Variants in IL16 observed in about 807,000 individuals in gnomAD.
IL16 encodes pro-interleukin-16.
IL16 carries 67 observed loss-of-function variants against 110.1 expected under a neutral mutation model. That is an observed-to-expected ratio of 0.61 (90% CI 0.50 to 0.75). The LOEUF (loss-of-function observed/expected upper bound fraction) is 0.75. Ranked by LOEUF, IL16 falls within the 30% of genes least tolerant of loss-of-function variation. The pLI is 0.00. For synonymous variants in IL16, 689 were observed against 662.9 expected (o/e 1.04, Z -0.61); for missense variants, 1,545 against 1,655.0 (o/e 0.93, Z 1.15).
chr15:81,199,448 A>C (rs1895729936), intron 1 of IL16, among the ~76,000 whole-genome samples: 1 of 152,194 alleles, frequency 6.6e-6, no homozygotes, highest in Non-Finnish European at 1.5e-5. Context: ...TGTTCTTGCC[A>C]CATCTGGAGA....
chr15:81,230,640 T>G (rs1896939049), intron 2 of IL16, among the ~76,000 whole-genome samples: 1 of 152,044 alleles, frequency 6.6e-6, no homozygotes, highest in African/African-American at 2.4e-5. Context: ...AGAGAATGAG[T>G]AGTGGGGGAA....
intron 2 of IL16, among the ~76,000 whole-genome samples, chr15:81,246,227 AT>A (rs1314313940): frequency 6.6e-6 from 1 of 151,118 alleles, no homozygotes; most frequent in Non-Finnish European, 1.5e-5. Context: ...AGTTTTATGA[AT>A]TTTAACATAT....
At chr15:81,265,304 G>T (rs1041047387) in intron 3 of IL16, among the ~76,000 whole-genome samples, 4 of 152,074 alleles carry the variant, frequency 2.6e-5, no homozygotes, top group Admixed American at 1.3e-4. Flanking sequence ...TCTCTCCTTG[G>T]TTGGGATTGA....
intron 1 of IL16, among the ~76,000 whole-genome samples, chr15:81,210,502 AT>A (rs1595950445): frequency 6.6e-6 from 1 of 152,022 alleles, no homozygotes; most frequent in East Asian, 1.9e-4. Flanking sequence ...AGCATGGAAT[AT>A]TTTTCCACTT....
At position 81,233,459 on chromosome 15, in the gene IL16, CTGTGTGTGTGTGTGTG is replaced by C. The variant is rs5814049; in HGVS notation, c.312+7770_312+7785del. On this transcript the variant is annotated intron_variant, in intron 2 of 18. Transcript: ENST00000683961. ...ATATTGATACATATGTCTTCTCTTT[CTGTGTGTGTGTGTGTG>C]TGTGTGTGTGTGTGTGTGTGTCTTG... 3.7e-4 allele frequency among the ~76,000 whole-genome samples: 53 copies of C among 143,462 alleles called. 1 individual carries two copies. The highest frequency in any genetic ancestry group is 1.2e-3 in the African/African-American group (49 of 39,892). The allele number at this position is 143,462 out of a possible 152,430, so 94.1% of individuals were successfully genotyped here. A position where few individuals can be genotyped will look rare whatever the true frequency, so the allele number is the denominator to read the frequency against.
At chr15:81,264,520 ACCC>A (rs59536182) in intron 3 of IL16, among the ~76,000 whole-genome samples, 1 of 152,284 alleles carries the variant, frequency 6.6e-6, no homozygotes, top group East Asian at 1.9e-4. Flanking sequence ...ATAAAAGCAA[ACCC>A]AACCCTGCTC....
In IL16 at chr15:81,297,005, C is replaced by T. The variant is rs1335603651; in HGVS notation, c.1980C>T (p.Cys660=). 8 of 1,613,798 alleles carry T rather than the reference C, an allele frequency of 5.0e-6. 1 individual carries two copies. The Admixed American group carries it at 1.3e-4, about 27-fold the overall frequency. ...GAAGCCCTAGTGCCTCTGCCGGCTG[C>T]CCAGGACCTGGTATCGGCCCACAGA... ...AGRSPSASAG[C]PGPGIGPQTK... Residue 660 remains cysteine (C), a synonymous_variant, in exon 13 of 19, where the codon TGC becomes TGT. Coordinates refer to ENST00000683961, the MANE Select transcript of IL16 (RefSeq NM_172217.5).
chr15:81,278,437 T>TTAACTGCACAGACCA lies in IL16; in HGVS notation c.791-378_791-364dup, dbSNP rs1433916786. ...TTGAGAAAATGGCATGGACAAGCAT[T>TTAACTGCACAGACCA]TAACTGCACAGACCATTGTGGAAAA... is the stretch of plus-strand genomic sequence containing the variant. On this transcript the variant is annotated intron_variant, in intron 6 of 18. Coordinates refer to ENST00000683961, the MANE Select transcript of IL16 (RefSeq NM_172217.5). Among the ~76,000 whole-genome samples, 26 of 152,298 alleles carry TTAACTGCACAGACCA rather than the reference T, an allele frequency of 1.7e-4. No individual in the cohort carries two copies. In the East Asian group the frequency reaches 3.9e-3, roughly 23 times the overall value.
intron 8 of IL16, among the ~76,000 whole-genome samples, chr15:81,280,043 G>A (rs952406363): frequency 2.0e-5 from 3 of 152,242 alleles, no homozygotes; most frequent in African/African-American, 7.2e-5. Context: ...CCCAGAGAGA[G>A]AGAGAGAGAA....
chr15:81,267,054 A>G (rs1898413088), intron 4 of IL16, among the ~76,000 whole-genome samples: 1 of 152,164 alleles, frequency 6.6e-6, no homozygotes, highest in Non-Finnish European at 1.5e-5. Context: ...GGTTTTCTGC[A>G]CATCTGGGGT....
chr15:81,207,060 C>T (rs1238187946), intron 1 of IL16, among the ~76,000 whole-genome samples: 1 of 145,236 alleles, frequency 6.9e-6, no homozygotes, highest in Non-Finnish European at 1.5e-5. Flanking sequence ...GGTGAAACCC[C>T]GTCTCTACTA....
chr15:81,236,125 A>G (rs1168041495), intron 2 of IL16, among the ~76,000 whole-genome samples: 2 of 152,246 alleles, frequency 1.3e-5, no homozygotes, highest in African/African-American at 4.8e-5. Context: ...AGCATGACTC[A>G]GGATTTGATG....
At chr15:81,189,238 C>T (rs768008850) in intron 1 of IL16, among the ~76,000 whole-genome samples, 2 of 151,816 alleles carry the variant, frequency 1.3e-5, no homozygotes, top group Non-Finnish European at 2.9e-5. Context: ...ATTCTTTTGC[C>T]TCAGCCTCCC....
Position 81,282,607 on chromosome 15 carries a change from G to A in IL16, c.1082-32G>A, listed in dbSNP as rs143702320. ...AGGCCCCCTGGGAAAGCTCAGTCCC[G>A]GTCTCCCCACCCCGCCCTGTTCTGC... On this transcript the variant is annotated intron_variant, in intron 8 of 18. Coordinates refer to ENST00000683961, the MANE Select transcript of IL16 (RefSeq NM_172217.5). 859 of 1,548,082 alleles carry A rather than the reference G, an allele frequency of 5.5e-4. 4 individuals carry two copies. In the African/African-American group the frequency reaches 9.5e-3, roughly 17 times the overall value.
chr15:81,197,239 G>T (rs1302102619), intron 1 of IL16, 87 bp downstream of exon 1: 3 of 887,490 alleles, frequency 3.4e-6, no homozygotes, highest in East Asian at 6.6e-5. Context: ...GAATGGGGAG[G>T]GTCTTGGTTG....
intron 6 of IL16, among the ~76,000 whole-genome samples, chr15:81,275,378 A>C (rs952006310): frequency 3.2e-4 from 1 of 3,080 alleles, no homozygotes; most frequent in Non-Finnish European, 6.1e-4. Context: ...AGGGGAGGGG[A>C]GGGGAGGGGA....
At chr15:81,284,028 G>C (rs988821861) in intron 9 of IL16, among the ~76,000 whole-genome samples, 1 of 148,904 alleles carries the variant, frequency 6.7e-6, no homozygotes, top group African/African-American at 2.5e-5. Flanking sequence ...AAAAAAGAGA[G>C]AGAGAAGATA....
At chr15:81,228,228 T>TGGCATGGGGAAGGAGTG (rs1896852821) in intron 2 of IL16, among the ~76,000 whole-genome samples, 3 of 151,780 alleles carry the variant, frequency 2.0e-5, no homozygotes, top group Non-Finnish European at 4.4e-5. Flanking sequence ...AATGGCTAGA[T>TGGCATGGGGAAGGAGTG]GGCATGGGGA....
intron 14 of IL16, 25 bp from the exon 15 acceptor site, chr15:81,301,319 T>A (rs780187717): frequency 1.9e-6 from 3 of 1,581,044 alleles, no homozygotes; most frequent in Non-Finnish European, 2.6e-6. Flanking sequence ...TTGTTCATAC[T>A]GTGTGTTGTT....
Sources: gnomAD v4.1 joint callset for allele counts (sites outside exome capture counted in the v4.1 genomes callset) on GRCh38, gnomAD v4.1.1 for gene constraint, MANE v1.5 for transcripts, NCBI Gene and HGNC (gene_info 2026-07-23, HGNC 2026-07-21) for gene names.